EXOSC5: variants seen among roughly 807,000 people sequenced by gnomAD.
EXOSC5 encodes the protein exosome component 5, also known as exosome complex component RRP46.
Under a neutral mutation model 23.7 loss-of-function variants are expected in EXOSC5, and 15 were observed. The ratio of observed to expected loss-of-function variants is 0.63; its 90% CI spans 0.42 to 0.97. EXOSC5 has a LOEUF of 0.97. Ranked by LOEUF, EXOSC5 falls within the 50% of genes least tolerant of loss-of-function variation. The pLI is 0.00. For missense variants in EXOSC5, 305 were observed against 316.3 expected (o/e 0.96, Z 0.27); for synonymous variants, 143 against 140.9 (o/e 1.02, Z -0.11).
At chr19:41,386,840 C>T in intron 5 of EXOSC5, 115 bp from the exon 6 acceptor site, 2 of 825,014 alleles carry the variant, frequency 2.4e-6, no homozygotes, top group South Asian at 1.7e-5. Context: ...CCATCACTCC[C>T]CTGCCCCCAA....
chr19:41,388,356 G>A (rs1448244282), intron 4 of EXOSC5, among the ~76,000 whole-genome samples: 1 of 152,238 alleles, frequency 6.6e-6, no homozygotes, highest in Non-Finnish European at 1.5e-5. Flanking sequence ...CAGTAATGAG[G>A]TGGGAGAATG....
At chr19:41,388,152 A>C (rs116414604) in intron 4 of EXOSC5, among the ~76,000 whole-genome samples, 2,978 of 152,322 alleles carry the variant, frequency 0.02, 91 homozygotes, top group African/African-American at 0.067. Context: ...ACTGTACTCC[A>C]TGCCCCTTAT....
rs145189417 is a variant in EXOSC5, at chr19:41,397,317, C to T, written c.12G>A (p.Glu4=). The T allele has an allele frequency of 1.3e-4, 216 of 1,611,786 alleles. No homozygotes were observed. Among genetic ancestry groups the T allele is most frequent in the Non-Finnish European group, 1.7e-4 (196 of 1,178,044 alleles). MEE[E]THTDAKIRAE... Reference sequence around the variant, plus strand: ...CACGGATTTTGGCGTCAGTATGCGTCTCCTCCTCCATCGCGCCGAGCCCAC... The same window carrying T: ...CACGGATTTTGGCGTCAGTATGCGTTTCCTCCTCCATCGCGCCGAGCCCAC... Residue 4 remains glutamate, a synonymous_variant, in exon 1 of 6, where the codon GAG becomes GAA. Coordinates refer to ENST00000221233, the MANE Select transcript of EXOSC5 (RefSeq NM_020158.4).
At position 41,392,338 on chromosome 19, in the gene EXOSC5, T is replaced by A. The variant is rs967084080; in HGVS notation, c.263-376A>T. ...GGCTCGCGCCTGTAATCCCAACACTTTGGGGGGCTGAGGCGGGCGGATCAC... is the reference window on the plus strand; with the variant it reads ...GGCTCGCGCCTGTAATCCCAACACTATGGGGGGCTGAGGCGGGCGGATCAC... On this transcript the variant is annotated intron_variant, in intron 2 of 5. Transcript: ENST00000221233. Among the ~76,000 whole-genome samples, 3 of 152,062 alleles carry A rather than the reference T, an allele frequency of 2.0e-5. No homozygotes were observed. The South Asian group carries it at 6.2e-4, about 32-fold the overall frequency.
chr19:41,396,966 C>G (rs1046483711), intron 1 of EXOSC5, among the ~76,000 whole-genome samples: 1 of 152,100 alleles, frequency 6.6e-6, no homozygotes, highest in African/African-American at 2.4e-5. Context: ...CTCTCATTCT[C>G]AGAGATAGTT....
intron 3 of EXOSC5, 119 bp from the exon 4 acceptor site, chr19:41,390,024 C>T: frequency 7.8e-7 from 1 of 1,280,312 alleles, no homozygotes; most frequent in Non-Finnish European, 1.0e-6. Context: ...CCTCCACCTC[C>T]TGGGTTCAAG....
chr19:41,391,311 T>G (rs1009676193), intron 3 of EXOSC5, among the ~76,000 whole-genome samples: 7 of 152,192 alleles, frequency 4.6e-5, no homozygotes, highest in African/African-American at 1.7e-4. Flanking sequence ...GAGGTTGCAG[T>G]AAGCTGACAT....
At chr19:41,389,686 G>A in intron 4 of EXOSC5, 79 bp downstream of exon 4, 1 of 1,548,482 alleles carries the variant, frequency 6.5e-7, no homozygotes, top group Non-Finnish European at 8.7e-7. Flanking sequence ...CCGACTGTCT[G>A]TAGAGAAGCG....
At chr19:41,394,196 G>A (rs2039044752) in intron 1 of EXOSC5, among the ~76,000 whole-genome samples, 2 of 151,886 alleles carry the variant, frequency 1.3e-5, no homozygotes, top group African/African-American at 4.8e-5. Context: ...TAGTCAACAT[G>A]GTGAAACCCT....
intron 3 of EXOSC5, 125 bp downstream of exon 3, chr19:41,391,716 C>A (rs2039023534): frequency 3.0e-6 from 4 of 1,320,284 alleles, no homozygotes; most frequent in Non-Finnish European, 4.0e-6. Flanking sequence ...TGCTCTCCTT[C>A]TTCAGTGAGC....
chr19:41,395,967 T>G (rs1229503978), intron 1 of EXOSC5, among the ~76,000 whole-genome samples: 1 of 152,176 alleles, frequency 6.6e-6, no homozygotes, highest in Non-Finnish European at 1.5e-5. Flanking sequence ...TACGTAAGTT[T>G]TGTCCGTATT....
At chr19:41,397,091 T>C in intron 1 of EXOSC5, 90 bp downstream of exon 1, 4 of 1,453,420 alleles carry the variant, frequency 2.8e-6, no homozygotes, top group East Asian at 2.3e-5. Context: ...GGAGTGACAT[T>C]TACCAGCTGG....
chr19:41,392,014 T>C (rs1568497269), intron 2 of EXOSC5, 52 bp from the exon 3 acceptor site: 1 of 1,556,536 alleles, frequency 6.4e-7, no homozygotes, highest in Admixed American at 2.0e-5. Context: ...TGACTCACCT[T>C]CCTCCATACG....
At chr19:41,395,941 C>A (rs2039059123) in intron 1 of EXOSC5, among the ~76,000 whole-genome samples, 1 of 152,156 alleles carries the variant, frequency 6.6e-6, no homozygotes, top group Non-Finnish European at 1.5e-5. Context: ...TTTTTCCTCG[C>A]ACTCAAACCA....
In EXOSC5 at chr19:41,387,561, G is replaced by A. The variant is rs377456809; in HGVS notation, c.568C>T (p.Arg190Trp). 7.6e-5 allele frequency: 122 copies of A among 1,606,668 alleles called. No homozygotes were observed. Among genetic ancestry groups the A allele is most frequent in the Non-Finnish European group, 9.0e-5 (106 of 1,177,204 alleles). Residue 190 changes from arginine (R) to tryptophan (W), a missense_variant, in exon 5 of 6, where the codon CGG (arginine) becomes TGG (tryptophan). Arg to Trp is a moderately radical substitution (Grantham distance 101, BLOSUM62 -3). Transcript: ENST00000221233. Reference sequence around the variant, plus strand: ...TTGGTGCTGGACATCAGCAGCTTCCGTTCCACGCTGTCCAGGGCAAAGGTC... The same window carrying A: ...TTGGTGCTGGACATCAGCAGCTTCCATTCCACGCTGTCCAGGGCAAAGGTC... Reference protein sequence around the residue: ...VLTFALDSVERKLLMSSTKGL... With the variant: ...VLTFALDSVEWKLLMSSTKGL...
At chr19:41,397,041 T>C in intron 1 of EXOSC5, 140 bp downstream of exon 1, 1 of 903,636 alleles carries the variant, frequency 1.1e-6, no homozygotes, top group East Asian at 2.5e-5. Context: ...CCTGCGTATT[T>C]AGTAGTATTC....
intron 1 of EXOSC5, 112 bp from the exon 2 acceptor site, chr19:41,393,092 G>A (rs2039036441): frequency 3.9e-6 from 3 of 762,614 alleles, no homozygotes; most frequent in Non-Finnish European, 4.5e-6. Flanking sequence ...CCATTTGTTG[G>A]TACTGATTCT....
At chr19:41,386,878 C>T (rs2038988947) in intron 5 of EXOSC5, among the ~76,000 whole-genome samples, 153 bp from the exon 6 acceptor site, 1 of 152,182 alleles carries the variant, frequency 6.6e-6, no homozygotes. Flanking sequence ...GGATTATTTC[C>T]CATTTCATGA....
intron 1 of EXOSC5, among the ~76,000 whole-genome samples, chr19:41,393,428 C>T (rs2039039022): frequency 6.6e-6 from 1 of 152,100 alleles, no homozygotes; most frequent in African/African-American, 2.4e-5. Context: ...CCATGCCTGA[C>T]TAATTTTTAT....
Sources: gnomAD v4.1 joint callset for allele counts (sites outside exome capture counted in the v4.1 genomes callset) on GRCh38, gnomAD v4.1.1 for gene constraint, MANE v1.5 for transcripts, NCBI Gene and HGNC (gene_info 2026-07-23, HGNC 2026-07-21) for gene names.